Variants in ZC3H6 observed in about 807,000 individuals in gnomAD.
ZC3H6 encodes zinc finger CCCH domain-containing protein 6.
In ZC3H6, 40 loss-of-function variants were observed where a neutral mutation model predicts 107.7. That is an observed-to-expected ratio of 0.37 (90% CI 0.29 to 0.48). ZC3H6 has a LOEUF of 0.48. Ranked by LOEUF, ZC3H6 falls within the 20% of genes least tolerant of loss-of-function variation. The pLI is 0.98. For missense variants in ZC3H6, 1,267 were observed against 1,410.4 expected (o/e 0.90, Z 1.63); for synonymous variants, 493 against 487.9 (o/e 1.01, Z -0.14).
intron 5 of ZC3H6, among the ~76,000 whole-genome samples, chr2:112,314,534 C>T (rs751408722): frequency 3.3e-5 from 5 of 151,978 alleles, no homozygotes; most frequent in Non-Finnish European, 5.9e-5. Flanking sequence ...ATTAATGAAA[C>T]GCTAAGTACA....
rs753379026 is a variant in ZC3H6 at position 112,332,438 on chromosome 2, C to G, written c.3520C>G (p.Leu1174Val). Residue 1174 changes from leucine to valine, a missense_variant, in exon 12 of 12, where the codon CTG becomes GTG. By Grantham distance (32) the Leu-to-Val change is conservative (BLOSUM62 1). Coordinates refer to ENST00000409871, the MANE Select transcript of ZC3H6 (RefSeq NM_198581.3). ...CGGTAGAGAAACAGATGACAAATCTCTGAAAGAGGTTTTTAAAACTTTTGA... is the reference window on the plus strand; with the variant it reads ...CGGTAGAGAAACAGATGACAAATCTGTGAAAGAGGTTTTTAAAACTTTTGA... ...DPGRETDDKS[L>V]KEVFKTFDPT... is the part of the protein sequence containing the mutation. 5.0e-6 allele frequency: 8 copies of G among 1,610,416 alleles called. No individual in the cohort carries two copies. The highest frequency in any genetic ancestry group is 5.9e-6 in the Non-Finnish European group (7 of 1,179,268).
intron 1 of ZC3H6, among the ~76,000 whole-genome samples, chr2:112,285,269 T>G (rs1469730498): frequency 5.9e-5 from 9 of 152,172 alleles, no homozygotes; most frequent in Non-Finnish European, 1.3e-4. Flanking sequence ...TGAGAAAATT[T>G]TAACATACAA....
chr2:112,303,512 A>C, intron 3 of ZC3H6, 161 bp downstream of exon 3: 1 of 547,390 alleles, frequency 1.8e-6, no homozygotes, highest in East Asian at 3.3e-5. Flanking sequence ...TCCAAACAGA[A>C]ACTCAGCACC....
At chr2:112,309,843 A>G in intron 3 of ZC3H6, 42 bp from the exon 4 acceptor site, 1 of 1,530,884 alleles carries the variant, frequency 6.5e-7, no homozygotes, top group Non-Finnish European at 8.8e-7. Context: ...ATTGCTATAT[A>G]TAATTGAAAA....
chr2:112,297,633 T>C (rs949685717), intron 1 of ZC3H6, among the ~76,000 whole-genome samples: 2 of 152,230 alleles, frequency 1.3e-5, no homozygotes, highest in Admixed American at 6.5e-5. Context: ...TCAGTTTGTT[T>C]CTAGGATTCA....
At chr2:112,297,864 C>T (rs927040472) in intron 1 of ZC3H6, among the ~76,000 whole-genome samples, 14 of 152,100 alleles carry the variant, frequency 9.2e-5, no homozygotes, top group South Asian at 6.2e-4. Context: ...CCTGTAATCC[C>T]GGTATTTTGG....
At position 112,286,278 on chromosome 2, in the gene ZC3H6, G is replaced by A. The variant is rs886546511; in HGVS notation, c.32+10252G>A. The A allele has an allele frequency of 4.9e-4, 146 of 295,044 alleles. 1 individual carries two copies. The highest frequency in any genetic ancestry group is 2.2e-3 in the Middle Eastern group (2 of 900). 18.3% of individuals were successfully genotyped at this position (295,044 alleles called of 1,614,324 possible). The stretch of plus-strand genomic sequence containing the variant: ...AAGGCAGGATTTTCGATGAGCCCTC[G>A]GCAGTTAGGGTAAGCAGGTTTCAGC... On this transcript the variant is annotated intron_variant, in intron 1 of 11. Transcript: ENST00000409871.
At position 112,300,522 on chromosome 2, in the gene ZC3H6, G is replaced by A. The variant is rs140594358; in HGVS notation, c.213+493G>A. On this transcript the variant is annotated intron_variant, in intron 2 of 11. Transcript: ENST00000409871. ...ACCGGGCTTCAAGTTAAATTTTAAC[G>A]CAGATTGAAATAAATAATATTTTAA... Among the ~76,000 whole-genome samples, 1,043 of 152,238 alleles carry A rather than the reference G, an allele frequency of 6.9e-3. 7 individuals carry two copies. The highest frequency in any genetic ancestry group is 0.01 in the Middle Eastern group (3 of 294).
chr2:112,312,270 A>C (rs114376398), intron 5 of ZC3H6: 153 of 190,388 alleles, frequency 8.0e-4, no homozygotes, highest in African/African-American at 3.4e-3. Flanking sequence ...ACTGGCAATG[A>C]AGTGCTAATA....
At chr2:112,322,361 G>A (rs1321854738) in intron 8 of ZC3H6, among the ~76,000 whole-genome samples, 2 of 151,408 alleles carry the variant, frequency 1.3e-5, no homozygotes. Context: ...CTGCCCCTGG[G>A]GTCATCCTCC....
chr2:112,331,229 C>A lies in ZC3H6; in HGVS notation c.2311C>A (p.Pro771Thr), dbSNP rs749862569. ...TATCCCAAGGCAAGACATTAGAAAG[C>A]CTTCTGAGTCTGCCCCACTGGATCT... is the stretch of plus-strand genomic sequence containing the variant. ...RTIPRQDIRKPSESAPLDLRL... is the reference protein window; with the variant it reads ...RTIPRQDIRKTSESAPLDLRL... Residue 771 changes from proline (P) to threonine (T), a missense_variant, in exon 12 of 12, where the codon CCT (proline) becomes ACT (threonine). Pro to Thr is a conservative substitution (Grantham distance 38). This residue lies in a region of ZC3H6 where 925 missense variants were observed against 1,025.7 expected (regional missense o/e 0.90). Transcript: ENST00000409871. 3 of 1,613,408 alleles carry A rather than the reference C, an allele frequency of 1.9e-6. No homozygotes were observed. The highest frequency in any genetic ancestry group is 2.5e-6 in the Non-Finnish European group (3 of 1,179,710).
chr2:112,326,547 C>A (rs1459827238), intron 11 of ZC3H6, among the ~76,000 whole-genome samples: 2 of 152,164 alleles, frequency 1.3e-5, no homozygotes, highest in Non-Finnish European at 2.9e-5. Flanking sequence ...GGATCTCATT[C>A]TTCTTATGGC....
At chr2:112,276,124 C>G in intron 1 of ZC3H6, 98 bp downstream of exon 1, 1 of 1,106,190 alleles carries the variant, frequency 9.0e-7, no homozygotes, top group South Asian at 1.4e-5. Flanking sequence ...ATGACCTAGA[C>G]GTCTCTGTGT....
At position 112,309,871 on chromosome 2, in the gene ZC3H6, C is replaced by A; in HGVS notation, c.337-14C>A. ...ATTGAAAAATCCTGATAATGATTGTCCATTTTCACTTAGCGTGGACATATA... is the reference window on the plus strand; with the variant it reads ...ATTGAAAAATCCTGATAATGATTGTACATTTTCACTTAGCGTGGACATATA... On this transcript the variant is annotated splice_polypyrimidine_tract_variant and intron_variant, in intron 3 of 11. Transcript: ENST00000409871. 1 of 1,554,792 alleles carries A rather than the reference C, an allele frequency of 6.4e-7. No homozygotes were observed. The highest frequency in any genetic ancestry group is 1.2e-5 in the South Asian group (1 of 83,430).
rs1216693495 is a variant in ZC3H6, at chr2:112,325,118, T to G, written c.2007T>G (p.Phe669Leu). The change falls in exon 11 of 12, where the codon TTT becomes TTG. Residue 669 changes from phenylalanine to leucine, a missense_variant. Phe to Leu is a conservative substitution (Grantham distance 22). Transcript: ENST00000409871. ...GLLPAVQRAL[F>L]VRLTQRYQED... is the part of the protein sequence containing the mutation. ...TCCCTGCAGTGCAAAGAGCTCTTTT[T>G]GTAAGACTTACTCAGAGATACCAAG... 1 of 1,614,028 alleles carries G rather than the reference T, an allele frequency of 6.2e-7. No individual in the cohort carries two copies. The highest frequency in any genetic ancestry group is 1.1e-5 in the South Asian group (1 of 91,080).
intron 1 of ZC3H6, among the ~76,000 whole-genome samples, chr2:112,298,164 A>T (rs58468379): frequency 3.4e-5 from 4 of 119,318 alleles, no homozygotes; most frequent in African/African-American, 1.1e-4. Flanking sequence ...TAAAAAATTT[A>T]TTTTTTTCAG....
At position 112,324,264 on chromosome 2, in the gene ZC3H6, A is replaced by T; in HGVS notation, c.1453A>T (p.Met485Leu). ...SGSSPGPGPN[M>L]SQGHSSPVMH... ...GTCAAGTCCAGGTCCTGGACCTAAC[A>T]TGTCTCAGGGACACAGTAGTCCTGT... The change falls in exon 10 of 12, where the codon ATG becomes TTG. Residue 485 changes from methionine (M) to leucine (L), a missense_variant. Around this residue, in one of 3 missense-constraint regions of ZC3H6, gnomAD observed 925 missense variants for 1,025.7 expected, o/e 0.90. Coordinates refer to ENST00000409871, the MANE Select transcript of ZC3H6 (RefSeq NM_198581.3). 1 of 1,613,836 alleles carries T rather than the reference A, an allele frequency of 6.2e-7. No homozygotes were observed. The highest frequency in any genetic ancestry group is 1.1e-5 in the South Asian group (1 of 91,086).
chr2:112,310,619 T>C (rs1354646126), intron 4 of ZC3H6, among the ~76,000 whole-genome samples: 1 of 152,230 alleles, frequency 6.6e-6, no homozygotes, highest in Non-Finnish European at 1.5e-5. Flanking sequence ...ATTTCTGCAC[T>C]GATCACCTGT....
intron 7 of ZC3H6, among the ~76,000 whole-genome samples, chr2:112,319,901 T>G (rs1371741050): frequency 6.6e-6 from 1 of 152,136 alleles, no homozygotes; most frequent in African/African-American, 2.4e-5. Flanking sequence ...CTGGTATGTA[T>G]GTATGAATGG....
Sources: gnomAD v4.1 joint callset for allele counts (sites outside exome capture counted in the v4.1 genomes callset) on GRCh38, gnomAD v4.1.1 for gene constraint, gnomAD v4.1.1 regional missense constraint, MANE v1.5 for transcripts, NCBI Gene and HGNC (gene_info 2026-07-23, HGNC 2026-07-21) for gene names.